GAL: variants seen among roughly 807,000 people sequenced by gnomAD.
GAL encodes the protein galanin and GMAP prepropeptide.
GAL carries 14 observed loss-of-function variants against 15.8 expected under a neutral mutation model. The ratio of observed to expected loss-of-function variants is 0.89; its 90% confidence interval spans 0.59 to 1.39. The LOEUF is 1.39. Ranked by LOEUF, GAL falls within the 40% of genes most tolerant of loss-of-function variation. The pLI is 0.00. For synonymous variants in GAL, 79 were observed against 73.8 expected, an observed-to-expected ratio of 1.07 and a Z score of -0.36; for missense variants, 176 against 170.4, an observed-to-expected ratio of 1.03 and a Z score of -0.18.
rs1316355326 is a variant in GAL at position 68,684,691 on chromosome 11, C to G, written c.-42C>G. ...TGCCGCCCAGACCCGCCACCGCACC[C>G]GGACCCCGACGCTCCGAACCCGGGC... On this transcript the variant is annotated 5_prime_UTR_variant, in exon 1 of 6. Coordinates refer to ENST00000265643, the MANE Select transcript of GAL (RefSeq NM_015973.5). 2.5e-6 allele frequency: 1 copy of G among 402,526 alleles called. No individual in the cohort carries two copies. The highest frequency in any genetic ancestry group is 4.5e-5 in the Admixed American group (1 of 22,188). 24.9% of individuals were successfully genotyped at this position (402,526 alleles called of 1,614,324 possible).
chr11:68,685,745 C>T, intron 3 of GAL, 97 bp downstream of exon 3: 2 of 794,010 alleles, frequency 2.5e-6, no homozygotes, highest in East Asian at 5.3e-5. Context: ...TGGGCAGACC[C>T]TCTGGCCTCC....
At position 68,688,899 on chromosome 11, in the gene GAL, G is replaced by A. The variant is rs758127813; in HGVS notation, c.274G>A (p.Glu92Lys). ...AAACAATATCATGCGCACAATCATT[G>A]AGTTTCTGTCTTTCTTGCATCTCAA... ...PENNIMRTII[E>K]FLSFLHLKEA... Residue 92 changes from glutamate to lysine, a missense_variant, in exon 5 of 6, where the codon GAG becomes AAG. Physicochemically the swap from Glu to Lys is moderately conservative, Grantham distance 56 (BLOSUM62 1). Transcript: ENST00000265643. 6.4e-7 allele frequency: 1 copy of A among 1,558,828 alleles called. No individual in the cohort carries two copies. The highest frequency in any genetic ancestry group is 8.9e-7 in the Non-Finnish European group (1 of 1,129,686).
Position 68,685,630 on chromosome 11 carries a change from G to A in GAL, c.118G>A (p.Gly40Ser), listed in dbSNP as rs1323568387. The change falls in exon 3 of 6, where the codon GGC (glycine) becomes AGC (serine). Residue 40 changes from glycine (G) to serine (S), a missense_variant. Gly to Ser is a moderately conservative substitution (Grantham distance 56). Coordinates refer to ENST00000265643, the MANE Select transcript of GAL (RefSeq NM_015973.5). ...ACGAGGCTGGACCCTGAACAGCGCG[G>A]GCTACCTGCTGGGCCCACGTAAGTG... ...EKRGWTLNSA[G>S]YLLGPHAVGN... is the part of the protein sequence containing the mutation. 6.2e-7 allele frequency: 1 copy of A among 1,613,248 alleles called. No individual in the cohort carries two copies. Among genetic ancestry groups the A allele is most frequent in the Non-Finnish European group, 8.5e-7 (1 of 1,179,250 alleles).
chr11:68,685,578 C>G lies in GAL; in HGVS notation c.82-16C>G. 3 of 1,605,750 alleles carry G rather than the reference C, an allele frequency of 1.9e-6. No homozygotes were observed. The highest frequency in any genetic ancestry group is 2.6e-6 in the Non-Finnish European group (3 of 1,172,508). ...AGGCACAGCCCTGGCATCTGATCCCCTTTTCTCCCTTCAAGGCCAAGGAAA... is the reference window on the plus strand; with the variant it reads ...AGGCACAGCCCTGGCATCTGATCCCGTTTTCTCCCTTCAAGGCCAAGGAAA... On this transcript the variant is annotated splice_polypyrimidine_tract_variant and intron_variant, in intron 2 of 5. Coordinates refer to ENST00000265643, the MANE Select transcript of GAL (RefSeq NM_015973.5).
Position 68,690,960 on chromosome 11 carries a change from C to CTCCTCAGAAGACA in GAL, c.348_360dup (p.Glu121LeufsTer69). 1 of 1,613,328 alleles carries CTCCTCAGAAGACA rather than the reference C, an allele frequency of 6.2e-7. No individual in the cohort carries two copies. ...GCCTCCTGGATCTCCCCGCCGCAGC[C>CTCCTCAGAAGACA]TCCTCAGAAGACATCGAGCGGTCCT... On this transcript the variant is annotated frameshift_variant, in exon 6 of 6. Coordinates refer to ENST00000265643, the MANE Select transcript of GAL (RefSeq NM_015973.5). LOFTEE classifies it high-confidence loss of function.
chr11:68,688,126 C>T lies in GAL; in HGVS notation c.223+26C>T, dbSNP rs371931514. On this transcript the variant is annotated intron_variant, in intron 4 of 5. Coordinates refer to ENST00000265643, the MANE Select transcript of GAL (RefSeq NM_015973.5). ...GTGAGAGGACTCCTATCCCGGGCCC[C>T]GGGGCACCTCACTTCCACCAGCTCC... 369 of 1,431,120 alleles carry T rather than the reference C, an allele frequency of 2.6e-4. 1 individual carries two copies. Among genetic ancestry groups the T allele is most frequent in the African/African-American group, 1.3e-3 (95 of 71,530 alleles). 88.7% of individuals were successfully genotyped at this position (1,431,120 alleles called of 1,614,324 possible).
chr11:68,685,789 C>G (rs1263799390), intron 3 of GAL, 141 bp downstream of exon 3: 1 of 695,132 alleles, frequency 1.4e-6, no homozygotes, highest in Admixed American at 2.0e-5. Flanking sequence ...CATTGCTCTG[C>G]ACACTTGATC....
chr11:68,685,712 G>A (rs1264212338), intron 3 of GAL, 64 bp downstream of exon 3: 8 of 1,185,902 alleles, frequency 6.7e-6, no homozygotes, highest in Non-Finnish European at 1.0e-5. Context: ...TTGAACCCTG[G>A]CTCCTGCCCC....
At chr11:68,686,437 A>G (rs1945853017) in intron 3 of GAL, among the ~76,000 whole-genome samples, 1 of 152,208 alleles carries the variant, frequency 6.6e-6, no homozygotes, top group Non-Finnish European at 1.5e-5. Context: ...AAGGATGTGA[A>G]CAGCACGCAG....
chr11:68,689,215 T>TATC (rs1462130936), intron 5 of GAL, among the ~76,000 whole-genome samples: 5 of 152,200 alleles, frequency 3.3e-5, no homozygotes, highest in Admixed American at 6.5e-5. Flanking sequence ...ACTGGAACCA[T>TATC]ATCTATTCAC....
chr11:68,688,635 A>AAAG (rs368484644), intron 4 of GAL, among the ~76,000 whole-genome samples: 16 of 152,230 alleles, frequency 1.1e-4, no homozygotes, highest in South Asian at 4.2e-4. Context: ...TCTCAATTAA[A>AAAG]AAGAAGAAGA....
rs931437075 is a variant in GAL, at chr11:68,684,931, G to A, written c.8G>A (p.Arg3Gln). Residue 3 changes from arginine to glutamine, a missense_variant, in exon 2 of 6, where the codon CGA (arginine) becomes CAA (glutamine). Arg to Gln is a conservative substitution (Grantham distance 43). Transcript: ENST00000265643. ...CCTGTCCTTCCCTTCCAGATGGCCC[G>A]AGGCAGCGCCCTCCTGCTCGCCTCC... is the stretch of plus-strand genomic sequence containing the variant. Reference protein sequence around the residue: MARGSALLLASLL... With the variant: MAQGSALLLASLL... The A allele has an allele frequency of 8.7e-6, 14 of 1,606,242 alleles. No individual in the cohort carries two copies. Among genetic ancestry groups the A allele is most frequent in the African/African-American group, 4.0e-5 (3 of 74,850 alleles).
intron 3 of GAL, among the ~76,000 whole-genome samples, chr11:68,687,392 C>T (rs529214012): frequency 6.6e-6 from 1 of 151,952 alleles, no homozygotes; most frequent in Non-Finnish European, 1.5e-5. Flanking sequence ...AATCACAGTT[C>T]CTCCATTTTC....
At chr11:68,688,984 G>T (rs1945880855) in intron 5 of GAL, 58 bp downstream of exon 5, 14 of 851,208 alleles carry the variant, frequency 1.6e-5, no homozygotes, top group Non-Finnish European at 2.6e-5. Context: ...AACGTAAAAG[G>T]CCCATCGAGA....
At chr11:68,687,437 G>A (rs981375009) in intron 3 of GAL, among the ~76,000 whole-genome samples, 23 of 151,848 alleles carry the variant, frequency 1.5e-4, no homozygotes, top group African/African-American at 1.9e-4. Context: ...ACACGGGAAC[G>A]CACACACGCT....
rs1343191724 is a variant in GAL at position 68,684,997 on chromosome 11, G to C, written c.74G>C (p.Trp25Ser). ...GCCCTTTCTGCCTCTGCGGGGCTCT[G>C]GTCGCCGGTAAGTGCGGGGCGCGTC... ...AAALSASAGL[W>S]SPAKEKRGWT... The change falls in exon 2 of 6, where the codon TGG becomes TCG. Residue 25 changes from tryptophan (W) to serine (S), a missense_variant. By Grantham distance (177) the Trp-to-Ser change is radical. Transcript: ENST00000265643. The C allele has an allele frequency of 6.3e-7, 1 of 1,597,170 alleles. No homozygotes were observed. The highest frequency in any genetic ancestry group is 1.3e-5 in the African/African-American group (1 of 74,560).
At chr11:68,685,200 A>T (rs1945840067) in intron 2 of GAL, among the ~76,000 whole-genome samples, 196 bp downstream of exon 2, 1 of 152,082 alleles carries the variant, frequency 6.6e-6, no homozygotes, top group Non-Finnish European at 1.5e-5. Context: ...CGCTTCTCCG[A>T]GTGTATCAAC....
At chr11:68,684,897 C>G in intron 1 of GAL, 27 bp from the exon 2 acceptor site, 4 of 1,508,064 alleles carry the variant, frequency 2.7e-6, no homozygotes, top group Non-Finnish European at 3.7e-6. Context: ...CGGGTTCCGA[C>G]CCGCCCGCCC....
At chr11:68,688,509 A>T (rs933234123) in intron 4 of GAL, among the ~76,000 whole-genome samples, 3 of 152,212 alleles carry the variant, frequency 2.0e-5, no homozygotes, top group Non-Finnish European at 4.4e-5. Flanking sequence ...GGTGCCTGTC[A>T]TCCCAGCTAC....
Sources: gnomAD v4.1 joint callset for allele counts (sites outside exome capture counted in the v4.1 genomes callset) on GRCh38, gnomAD v4.1.1 for gene constraint, MANE v1.5 for transcripts, NCBI Gene and HGNC (gene_info 2026-07-23, HGNC 2026-07-21) for gene names.